The following DLC1 variants were observed in gnomAD, a reference collection of about 807,000 sequenced individuals.
DLC1 encodes the protein DLC1 Rho GTPase activating protein, also known as rho GTPase-activating protein 7.
DLC1 carries 54 observed loss-of-function variants against 140.3 expected under a neutral mutation model. That is an observed-to-expected ratio of 0.38 (90% CI 0.31 to 0.48). The LOEUF is 0.48. Among genes scored for constraint, DLC1 ranks in the 20% least tolerant of loss-of-function variants. The probability of loss-of-function intolerance (pLI) is 0.96; values close to 1 mark genes in which losing one functional copy is unlikely to be tolerated. For missense variants in DLC1, 2,536 were observed against 1,907.0 expected (o/e 1.33, Z -6.14); for synonymous variants, 986 against 728.1 (o/e 1.35, Z -5.70).
At chr8:13,370,581 G>A (rs1379661644) in intron 4 of DLC1, among the ~76,000 whole-genome samples, 2 of 152,104 alleles carry the variant, frequency 1.3e-5, no homozygotes, top group Non-Finnish European at 2.9e-5. Context: ...TCCCATAAAG[G>A]GCCTAAGCAT....
chr8:13,256,024 A>T (rs1830209279), intron 5 of DLC1, among the ~76,000 whole-genome samples: 1 of 152,180 alleles, frequency 6.6e-6, no homozygotes, highest in South Asian at 2.1e-4. Context: ...ACATAATTTA[A>T]CCCCATCTCT....
intron 5 of DLC1, among the ~76,000 whole-genome samples, chr8:13,193,807 AG>A: frequency 6.6e-6 from 1 of 152,306 alleles, no homozygotes; most frequent in South Asian, 2.1e-4. Context: ...CCTCTCTGGG[AG>A]GTGGAAATCT....
At chr8:13,503,897 A>G (rs1801932583) in intron 1 of DLC1, among the ~76,000 whole-genome samples, 1 of 152,192 alleles carries the variant, frequency 6.6e-6, no homozygotes, top group Non-Finnish European at 1.5e-5. Context: ...TATCTGTGGT[A>G]AGTTTTCTGC....
chr8:13,405,917 T>TTTCTTTCTTTCTTTCTTTC (rs1554514390), intron 2 of DLC1, among the ~76,000 whole-genome samples: 12 of 84,944 alleles, frequency 1.4e-4, no homozygotes, highest in Non-Finnish European at 2.0e-4. Context: ...CTTTCTTTTC[T>TTTCTTTCTTTCTTTCTTTC]TTTCTTTCTT....
intron 5 of DLC1, among the ~76,000 whole-genome samples, chr8:13,187,649 C>G (rs940450233): frequency 4.6e-5 from 7 of 152,124 alleles, no homozygotes; most frequent in Admixed American, 3.3e-4. Context: ...ATTGGAGATA[C>G]TATGTGGGAA....
intron 5 of DLC1, among the ~76,000 whole-genome samples, chr8:13,161,612 C>T (rs1374969311): frequency 1.3e-5 from 2 of 152,204 alleles, no homozygotes; most frequent in African/African-American, 4.8e-5. Flanking sequence ...CTTGGGATTA[C>T]AAGCCCTTGA....
At chr8:13,536,469 A>G (rs1803288701) in intron 1 of DLC1, among the ~76,000 whole-genome samples, 1 of 152,230 alleles carries the variant, frequency 6.6e-6, no homozygotes, top group Admixed American at 6.5e-5. Context: ...GAAAGTCATA[A>G]GAAACAAGCT....
At chr8:13,565,360 A>C (rs893083182) in intron 1 of DLC1, among the ~76,000 whole-genome samples, 3 of 152,234 alleles carry the variant, frequency 2.0e-5, no homozygotes, top group African/African-American at 7.2e-5. Flanking sequence ...TAGCTAAAAC[A>C]TGAATAGTGT....
chr8:13,523,176 C>T (rs777528928), intron 1 of DLC1, among the ~76,000 whole-genome samples: 6 of 152,202 alleles, frequency 3.9e-5, no homozygotes, highest in Non-Finnish European at 5.9e-5. Context: ...AGTAGGGAGA[C>T]CAGGTCACTG....
intron 4 of DLC1, among the ~76,000 whole-genome samples, chr8:13,328,911 T>A (rs936351881): frequency 1.3e-5 from 2 of 152,212 alleles, no homozygotes; most frequent in Non-Finnish European, 2.9e-5. Context: ...TGTGATCATT[T>A]CATCCTGCAA....
At chr8:13,182,665 G>C (rs1452824931) in intron 5 of DLC1, among the ~76,000 whole-genome samples, 2 of 152,132 alleles carry the variant, frequency 1.3e-5, no homozygotes, top group African/African-American at 2.4e-5. Context: ...CCTCTGTTCT[G>C]TTCCATTGGT....
intron 2 of DLC1, among the ~76,000 whole-genome samples, chr8:13,469,741 T>C (rs12335045): frequency 0.025 from 3,761 of 152,350 alleles, 144 homozygotes; most frequent in African/African-American, 0.085. Context: ...TAACTTGGTA[T>C]GATTTTGACC....
At chr8:13,310,240 C>G (rs1319854293) in intron 4 of DLC1, among the ~76,000 whole-genome samples, 2 of 152,154 alleles carry the variant, frequency 1.3e-5, no homozygotes, top group East Asian at 3.8e-4. Flanking sequence ...TACATGATTT[C>G]AAATATTCAA....
intron 1 of DLC1, among the ~76,000 whole-genome samples, chr8:13,528,367 G>A (rs1478986733): frequency 6.6e-6 from 1 of 152,050 alleles, no homozygotes; most frequent in East Asian, 1.9e-4. Flanking sequence ...TTAACATTTT[G>A]TAAATTTACA....
intron 4 of DLC1, among the ~76,000 whole-genome samples, chr8:13,364,121 G>C (rs1373519939): frequency 6.6e-6 from 1 of 152,142 alleles, no homozygotes; most frequent in Non-Finnish European, 1.5e-5. Flanking sequence ...AGAGAAAGGA[G>C]TTCAAGGAAA....
At chr8:13,288,478 C>T (rs78405632) in intron 5 of DLC1, among the ~76,000 whole-genome samples, 249 of 152,298 alleles carry the variant, frequency 1.6e-3, no homozygotes, top group African/African-American at 5.7e-3. Flanking sequence ...CATGCATTTC[C>T]CAGTCTTCTA....
At chr8:13,382,805 C>A (rs139492964) in intron 4 of DLC1, among the ~76,000 whole-genome samples, 6 of 152,148 alleles carry the variant, frequency 3.9e-5, no homozygotes, top group African/African-American at 1.4e-4. Flanking sequence ...AGATACTTCA[C>A]AGATCCCATA....
At chr8:13,474,179 G>T (rs935347332) in intron 2 of DLC1, among the ~76,000 whole-genome samples, 4 of 152,172 alleles carry the variant, frequency 2.6e-5, no homozygotes, top group Admixed American at 2.6e-4. Flanking sequence ...GGATTTGGTG[G>T]CCTGTGTCCC....
chr8:13,222,103 G>A (rs376436829), intron 5 of DLC1, among the ~76,000 whole-genome samples: 2 of 151,300 alleles, frequency 1.3e-5, no homozygotes, highest in Non-Finnish European at 2.9e-5. Flanking sequence ...ATCAATTCAT[G>A]TGTATTTGGC....
Sources: allele counts gnomAD v4.1 joint callset (sites outside exome capture counted in the v4.1 genomes callset), GRCh38; gene constraint gnomAD v4.1.1; transcripts MANE v1.5; gene names NCBI Gene and HGNC (gene_info 2026-07-23, HGNC 2026-07-21).